Variants in DNAH8 observed in about 807,000 individuals in gnomAD.
DNAH8 encodes the protein dynein axonemal heavy chain 8.
DNAH8 carries 382 observed loss-of-function variants against 562.1 expected under a neutral mutation model. The observed-to-expected ratio is 0.68, with a 90% CI of 0.63 to 0.74. DNAH8 has a LOEUF of 0.74. Among genes scored for constraint, DNAH8 ranks in the 30% least tolerant of loss-of-function variants. DNAH8 has a pLI of 0.00. For missense variants in DNAH8, 5,203 were observed against 5,620.4 expected, an observed-to-expected ratio of 0.93 and a Z score of 2.37; for synonymous variants, 1,881 against 1,919.4, an observed-to-expected ratio of 0.98 and a Z score of 0.52.
chr6:38,937,876 T>G (rs539020485), intron 77 of DNAH8, 98 bp from the exon 78 acceptor site: 16 of 1,429,602 alleles, frequency 1.1e-5, no homozygotes, highest in East Asian at 9.1e-5. Flanking sequence ...AGACATCAAG[T>G]TGAAAGCTAA....
intron 42 of DNAH8, among the ~76,000 whole-genome samples, chr6:38,859,413 A>T (rs940405758): frequency 2.0e-5 from 3 of 152,360 alleles, no homozygotes; most frequent in Non-Finnish European, 2.9e-5. Context: ...AGCAAAAAGC[A>T]GGACTGTAAA....
At chr6:38,879,924 T>G (rs1778333244) in intron 53 of DNAH8, among the ~76,000 whole-genome samples, 1 of 152,240 alleles carries the variant, frequency 6.6e-6, no homozygotes, top group African/African-American at 2.4e-5. Context: ...AAATTGAATT[T>G]TAAGAATACC....
chr6:38,915,073 C>A, intron 67 of DNAH8, 128 bp from the exon 68 acceptor site: 2 of 775,694 alleles, frequency 2.6e-6, no homozygotes, highest in Non-Finnish European at 3.9e-6. Flanking sequence ...ATATAGACAA[C>A]TTAGGAAATA....
chr6:38,938,220 T>C lies in DNAH8; in HGVS notation c.11810T>C (p.Met3937Thr). 1.2e-6 allele frequency: 2 copies of C among 1,608,708 alleles called. No individual in the cohort carries two copies. Among genetic ancestry groups the C allele is most frequent in the Non-Finnish European group, 1.7e-6 (2 of 1,176,752 alleles). The stretch of plus-strand genomic sequence containing the variant: ...TTCTTGAAGTTATTTGACCAGTCCA[T>C]GGCCAGGTGAGTCCTCACTACCTTC... ...AQFLKLFDQS[M>T]ARSEKSPLPQ... The change falls in exon 78 of 93, where the codon ATG (methionine) becomes ACG (threonine). Residue 3937 changes from methionine to threonine, a missense_variant. Met to Thr is a moderately conservative substitution (Grantham distance 81). Around this residue, in one of 6 missense-constraint regions of DNAH8, gnomAD observed 1,399 missense variants for 1,518.4 expected, o/e 0.92. Transcript: ENST00000327475.
chr6:38,764,581 C>G (rs1766820560), intron 11 of DNAH8: 1 of 152,196 alleles, frequency 6.6e-6, no homozygotes, highest in South Asian at 2.1e-4. Context: ...ATAGAGGGAG[C>G]AGTGCCTGGC....
intron 79 of DNAH8, 136 bp downstream of exon 79, chr6:38,939,124 A>G (rs949995167): frequency 5.8e-6 from 4 of 690,858 alleles, no homozygotes; most frequent in Non-Finnish European, 6.8e-6. Context: ...TTTTATTTTT[A>G]ATACCTTTTT....
At chr6:38,936,539 GTTAT>G (rs2150588526) in intron 77 of DNAH8, 1 of 152,328 alleles carries the variant, frequency 6.6e-6, no homozygotes, top group South Asian at 2.1e-4. Context: ...ATCCCGGGAT[GTTAT>G]TTAAACAAGT....
intron 48 of DNAH8, among the ~76,000 whole-genome samples, chr6:38,869,562 A>AT (rs1777307268): frequency 6.6e-6 from 1 of 152,220 alleles, no homozygotes; most frequent in South Asian, 2.1e-4. Flanking sequence ...CATTAAAGAC[A>AT]TTGCAAGCAA....
intron 24 of DNAH8, among the ~76,000 whole-genome samples, chr6:38,811,632 C>G (rs953690207): frequency 6.6e-6 from 1 of 152,122 alleles, no homozygotes; most frequent in Non-Finnish European, 1.5e-5. Flanking sequence ...TTTTCCCTTA[C>G]TTTAGAGCTT....
intron 81 of DNAH8, 123 bp from the exon 82 acceptor site, chr6:38,951,195 A>C (rs1696911007): frequency 5.0e-6 from 4 of 800,176 alleles, no homozygotes; most frequent in Non-Finnish European, 8.2e-6. Flanking sequence ...TCTTACTTAG[A>C]TGTGGAAAAG....
intron 4 of DNAH8, 43 bp from the exon 5 acceptor site, chr6:38,734,431 T>C: frequency 6.3e-7 from 1 of 1,591,182 alleles, no homozygotes; most frequent in East Asian, 2.3e-5. Flanking sequence ...CTCATTTGAT[T>C]AGTTGTGTGA....
chr6:38,872,668 A>C lies in DNAH8; in HGVS notation c.7123A>C (p.Asn2375His), dbSNP rs141532428. The C allele has an allele frequency of 1.8e-3, 2,837 of 1,614,132 alleles. 4 individuals carry two copies. The highest frequency in any genetic ancestry group is 2.3e-3 in the Non-Finnish European group (2,713 of 1,179,980). Residue 2375 changes from asparagine to histidine, a missense_variant, in exon 50 of 93, where the codon AAT becomes CAT. Coordinates refer to ENST00000327475, the MANE Select transcript of DNAH8 (RefSeq NM_001206927.2). ...CGRPHREMRM[N>H]PKAITAPQMF... ...AAGGCCTCATAGAGAAATGCGAATG[A>C]ATCCAAAAGCCATTACTGCACCTCA...
intron 47 of DNAH8, 75 bp from the exon 48 acceptor site, chr6:38,867,987 A>G: frequency 1.4e-6 from 2 of 1,463,982 alleles, no homozygotes; most frequent in Non-Finnish European, 1.9e-6. Flanking sequence ...ATCGACCTAT[A>G]TGCATAGAGT....
Position 38,911,460 on chromosome 6 carries a change from G to T in DNAH8, c.9741-8G>T. 1 of 1,589,610 alleles carries T rather than the reference G, an allele frequency of 6.3e-7. No homozygotes were observed. Among genetic ancestry groups the T allele is most frequent in the South Asian group, 1.1e-5 (1 of 90,552 alleles). On this transcript the variant is annotated splice_region_variant and splice_polypyrimidine_tract_variant and intron_variant, in intron 65 of 92. Transcript: ENST00000327475. ...ATTGAAATGGTCCTTTTAATGTTCT[G>T]CTTTCAGATACCGCCGAAGAGCACA... is the stretch of plus-strand genomic sequence containing the variant.
intron 82 of DNAH8, among the ~76,000 whole-genome samples, chr6:38,961,923 C>CA (rs965413128): frequency 1.3e-5 from 2 of 151,662 alleles, no homozygotes; most frequent in African/African-American, 4.8e-5. Flanking sequence ...AATTGTCTAA[C>CA]AAAAAATACA....
At chr6:38,786,725 A>G (rs1401801314) in intron 17 of DNAH8, 40 bp from the exon 18 acceptor site, 1 of 1,584,462 alleles carries the variant, frequency 6.3e-7, no homozygotes, top group African/African-American at 1.4e-5. Context: ...AGCAGAAAGG[A>G]AATTCAGAAT....
chr6:38,813,072 A>G (rs1307619749), intron 24 of DNAH8, among the ~76,000 whole-genome samples: 3 of 152,220 alleles, frequency 2.0e-5, no homozygotes, highest in African/African-American at 7.2e-5. Flanking sequence ...ATTTTGGAGA[A>G]TACCTTCAGC....
At chr6:39,030,006 TG>T in intron 92 of DNAH8, 98 bp from the exon 93 acceptor site, 1 of 907,836 alleles carries the variant, frequency 1.1e-6, no homozygotes, top group Non-Finnish European at 1.7e-6. Flanking sequence ...GTTTTAAGAC[TG>T]GTGTGTGTTT....
At chr6:39,016,328 G>T (rs922956758) in intron 91 of DNAH8, among the ~76,000 whole-genome samples, 2 of 152,068 alleles carry the variant, frequency 1.3e-5, no homozygotes, top group African/African-American at 4.8e-5. Flanking sequence ...GAGGCGGGCG[G>T]ATCACGAGGT....
Sources: allele counts gnomAD v4.1 joint callset (sites outside exome capture counted in the v4.1 genomes callset), GRCh38; gene constraint gnomAD v4.1.1; regional missense constraint gnomAD v4.1.1; transcripts MANE v1.5; gene names NCBI Gene and HGNC (gene_info 2026-07-23, HGNC 2026-07-21).